DENND2D: variants seen among roughly 807,000 people sequenced by gnomAD.
DENND2D encodes DENN domain-containing protein 2D.
Under a neutral mutation model 59.8 loss-of-function variants are expected in DENND2D, and 37 were observed. The ratio of observed to expected loss-of-function variants is 0.62; its 90% CI spans 0.48 to 0.81. The LOEUF is 0.81. DENND2D is among the 40% of genes least tolerant of loss of function. DENND2D has a pLI of 0.00. For synonymous variants in DENND2D, 219 were observed against 211.3 expected (o/e 1.04, Z -0.31); for missense variants, 525 against 579.7 (o/e 0.91, Z 0.97).
upstream of DENND2D, among the ~76,000 whole-genome samples, chr1:111,203,962 C>T (rs1659057166): frequency 6.6e-6 from 1 of 152,128 alleles, no homozygotes; most frequent in African/African-American, 2.4e-5. Context: ...ACACCACAAC[C>T]GGGGCGCTTT....
chr1:111,199,060 G>T (rs1017360937), intron 2 of DENND2D, among the ~76,000 whole-genome samples: 7 of 152,240 alleles, frequency 4.6e-5, no homozygotes, highest in Non-Finnish European at 1.0e-4. Flanking sequence ...AATGGCCCAG[G>T]CCCCTGGGAG....
At chr1:111,197,672 G>A (rs1343417265) in intron 4 of DENND2D, 3 of 1,390,116 alleles carry the variant, frequency 2.2e-6, no homozygotes, top group African/African-American at 2.9e-5. Flanking sequence ...AGGGAGAGGA[G>A]TTAGTTGTAT....
chr1:111,199,728 G>C lies in DENND2D; in HGVS notation c.138C>G (p.Asn46Lys), dbSNP rs1356338782. ...CAAAGAAGTGCTGCCCCCCAGCAAAGTTGGGCAAAGAGTGCTCCTGGGCCC... is the reference window on the plus strand; with the variant it reads ...CAAAGAAGTGCTGCCCCCCAGCAAACTTGGGCAAAGAGTGCTCCTGGGCCC... The part of the protein sequence containing the change: ...PERAQEHSLP[N>K]FAGGQHFFEY... The change falls in exon 2 of 12, where the codon AAC becomes AAG. Residue 46 changes from asparagine (N) to lysine (K), a missense_variant. By Grantham distance (94) the Asn-to-Lys change is moderately conservative. This residue lies in a region of DENND2D where 253 missense variants were observed against 246.4 expected (regional missense o/e 1.03). Transcript: ENST00000357640. 4.3e-6 allele frequency: 7 copies of C among 1,614,188 alleles called. No homozygotes were observed. In the South Asian group the frequency reaches 7.7e-5, roughly 18 times the overall value.
Position 111,198,704 on chromosome 1 carries a change from C to T in DENND2D, c.282G>A (p.Glu94=), listed in dbSNP as rs746755770. The change falls in exon 3 of 12, where the codon GAG becomes GAA. Residue 94 remains glutamate, a synonymous_variant. Coordinates refer to ENST00000357640, the MANE Select transcript of DENND2D (RefSeq NM_024901.5). ...NLLRGQQEEE[E]RLLKAIPLFC... is the part of the protein sequence containing the mutation. ...ACAAGGGGATAGCTTTGAGCAGCCG[C>T]TCCTCCTCCTCCTGCTGACCCCGAA... 6 of 1,612,646 alleles carry T rather than the reference C, an allele frequency of 3.7e-6. No individual in the cohort carries two copies. Among genetic ancestry groups the T allele is most frequent in the East Asian group, 2.2e-5 (1 of 44,812 alleles).
At chr1:111,200,882 G>A (rs777213616), upstream of DENND2D, 1 of 272,782 alleles carries the variant, frequency 3.7e-6, no homozygotes, top group Non-Finnish European at 6.5e-6. Flanking sequence ...AGTGGACAAT[G>A]CTTGATAGTG....
At chr1:111,203,531 TG>T (rs1557969394), upstream of DENND2D, among the ~76,000 whole-genome samples, 2 of 152,272 alleles carry the variant, frequency 1.3e-5, no homozygotes, top group Admixed American at 6.5e-5. Flanking sequence ...AATTTCTAAC[TG>T]CCCTCCTTCC....
intron 5 of DENND2D, chr1:111,196,903 A>G: frequency 2.4e-6 from 1 of 408,580 alleles, no homozygotes; most frequent in South Asian, 3.4e-5. Context: ...CTCAGGGCAG[A>G]AGTTTCTTCT....
intron 11 of DENND2D, 144 bp downstream of exon 11, chr1:111,187,987 G>A: frequency 7.9e-7 from 1 of 1,263,898 alleles, no homozygotes; most frequent in Non-Finnish European, 1.1e-6. Flanking sequence ...TTAGGTTTCA[G>A]GTTATGTCAT....
Position 111,187,174 on chromosome 1 carries a change from TA to T in DENND2D, c.*430del, listed in dbSNP as rs1349569153. 6.3e-6 allele frequency: 1 copy of T among 158,976 alleles called. No homozygotes were observed. Among genetic ancestry groups the T allele is most frequent in the Non-Finnish European group, 1.4e-5 (1 of 72,248 alleles). 9.8% of individuals were successfully genotyped at this position (158,976 alleles called of 1,614,324 possible). On this transcript the variant is annotated 3_prime_UTR_variant, in exon 12 of 12. Coordinates refer to ENST00000357640, the MANE Select transcript of DENND2D (RefSeq NM_024901.5). ...CCATAGTAAAAGCCAAAGACACATA[TA>T]AAAATAAGATTTTCCTCTTTACTCT...
chr1:111,194,578 C>A lies in DENND2D; in HGVS notation c.794G>T (p.Ser265Ile). The A allele has an allele frequency of 6.2e-7, 1 of 1,613,766 alleles. No individual in the cohort carries two copies. Among genetic ancestry groups the A allele is most frequent in the Non-Finnish European group, 8.5e-7 (1 of 1,179,950 alleles). ...RKIIFLAEGL[S>I]TLSQCIHAAA... ...TGAGCCGTCCAGGGGCTGGGCCCAC[C>A]TGAGACCTTCCGCCAGGAAGATGAT... is the stretch of plus-strand genomic sequence containing the variant. Residue 265 changes from serine (S) to isoleucine (I), a missense_variant and splice_region_variant, in exon 7 of 12, where the codon AGC (serine) becomes ATC (isoleucine). Ser to Ile is a moderately radical substitution (Grantham distance 142, BLOSUM62 -2). This residue lies in a region of DENND2D where 225 missense variants were observed against 252.4 expected (regional missense o/e 0.89). Transcript: ENST00000357640.
chr1:111,191,212 G>A (rs1657732379), intron 8 of DENND2D, among the ~76,000 whole-genome samples: 1 of 152,222 alleles, frequency 6.6e-6, no homozygotes, highest in African/African-American at 2.4e-5. Flanking sequence ...AAGGAAGGAT[G>A]AGGGGGCCGG....
At position 111,194,049 on chromosome 1, in the gene DENND2D, A is replaced by G. The variant is rs139041610; in HGVS notation, c.794+529T>C. ...AACAAACTAACTTAATGGGAACCTC[A>G]TAGCTAAAGGTAGAAGAACTGGATT... On this transcript the variant is annotated intron_variant, in intron 7 of 11. Transcript: ENST00000357640. Among the ~76,000 whole-genome samples the G allele has an allele frequency of 4.6e-3, 694 of 152,348 alleles. 4 individuals carry two copies. Among genetic ancestry groups the G allele is most frequent in the Non-Finnish European group, 7.7e-3 (521 of 68,046 alleles).
At chr1:111,204,358 C>G, upstream of DENND2D, 1 of 1,441,022 alleles carries the variant, frequency 6.9e-7, no homozygotes, top group Non-Finnish European at 9.1e-7. Context: ...ATCCATGGCC[C>G]CTGGAGTGCC....
In DENND2D at chr1:111,192,258, T is replaced by G; in HGVS notation, c.854A>C (p.His285Pro). 1.2e-6 allele frequency: 2 copies of G among 1,613,864 alleles called. No homozygotes were observed. Among genetic ancestry groups the G allele is most frequent in the Non-Finnish European group, 1.7e-6 (2 of 1,179,876 alleles). The stretch of plus-strand genomic sequence containing the variant: ...CTCAGGGACAACAGGGATGTAGGTG[T>G]GCGCCCAGCTGAAGGGGTAGAGCAG... ...AALLYPFSWAHTYIPVVPESL... is the reference protein window; with the variant it reads ...AALLYPFSWAPTYIPVVPESL... The change falls in exon 8 of 12, where the codon CAC becomes CCC. Residue 285 changes from histidine to proline, a missense_variant. This residue lies in a region of DENND2D where 225 missense variants were observed against 252.4 expected (regional missense o/e 0.89). Transcript: ENST00000357640.
chr1:111,189,997 T>C (rs1433163995), intron 8 of DENND2D, among the ~76,000 whole-genome samples: 1 of 151,822 alleles, frequency 6.6e-6, no homozygotes, highest in Non-Finnish European at 1.5e-5. Context: ...ACCCTGTCTC[T>C]ACTAAAAACG....
At chr1:111,204,295 C>G, upstream of DENND2D, 1 of 1,480,968 alleles carries the variant, frequency 6.8e-7, no homozygotes, top group Non-Finnish European at 8.9e-7. Flanking sequence ...CCGGCACTAA[C>G]CCCCATGGCC....
chr1:111,190,179 A>AC (rs1281578095), intron 8 of DENND2D, among the ~76,000 whole-genome samples: 2 of 150,812 alleles, frequency 1.3e-5, no homozygotes, highest in Admixed American at 1.3e-4. Context: ...AAAAAAAAAA[A>AC]AAAACTACCT....
intron 6 of DENND2D, chr1:111,195,597 G>T: frequency 3.2e-6 from 1 of 309,398 alleles, no homozygotes; most frequent in Non-Finnish European, 6.2e-6. Flanking sequence ...AGAGTGGAAG[G>T]GGGGTAGCGG....
upstream of DENND2D, chr1:111,201,197 TC>T: frequency 6.5e-6 from 1 of 152,714 alleles, no homozygotes; most frequent in East Asian, 1.9e-4. Context: ...CCAATAGCCT[TC>T]TTTCCTGATG....
Sources: gnomAD v4.1 joint callset for allele counts (sites outside exome capture counted in the v4.1 genomes callset) on GRCh38, gnomAD v4.1.1 for gene constraint, gnomAD v4.1.1 regional missense constraint, MANE v1.5 for transcripts, NCBI Gene and HGNC (gene_info 2026-07-23, HGNC 2026-07-21) for gene names.